The following BCL2L11 variants were observed in gnomAD, a reference collection of about 807,000 sequenced individuals.
BCL2L11 encodes bcl-2-like protein 11.
A neutral mutation model predicts 20.6 loss-of-function variants in BCL2L11; 15 were observed. That is an observed-to-expected ratio of 0.73 (90% CI 0.49 to 1.12). The LOEUF (loss-of-function observed/expected upper bound fraction) is 1.12. BCL2L11 is among the 50% of genes most tolerant of loss of function. The pLI is 0.00. For missense variants in BCL2L11, 292 were observed against 260.9 expected, an observed-to-expected ratio of 1.12 and a Z score of -0.82; for synonymous variants, 108 against 92.8, an observed-to-expected ratio of 1.16 and a Z score of -0.94.
intron 3 of BCL2L11, among the ~76,000 whole-genome samples, chr2:111,157,641 G>A (rs536392295): frequency 6.6e-6 from 1 of 152,312 alleles, no homozygotes; most frequent in Admixed American, 6.5e-5. Context: ...CTACCAAGTG[G>A]AGGGCTGTGC....
intron 2 of BCL2L11, among the ~76,000 whole-genome samples, chr2:111,141,016 G>T (rs1260425930): frequency 1.3e-5 from 2 of 152,194 alleles, no homozygotes; most frequent in African/African-American, 4.8e-5. Context: ...CTAGTGTGAG[G>T]TGTGGAGTAG....
intron 2 of BCL2L11, among the ~76,000 whole-genome samples, chr2:111,138,991 T>G: frequency 6.6e-6 from 1 of 152,148 alleles, no homozygotes; most frequent in East Asian, 1.9e-4. Flanking sequence ...ATGACTGTAA[T>G]GAAGTGCTCT....
At chr2:111,161,260 A>C (rs1263001750) in intron 3 of BCL2L11, among the ~76,000 whole-genome samples, 1 of 152,220 alleles carries the variant, frequency 6.6e-6, no homozygotes, top group African/African-American at 2.4e-5. Context: ...CATAAAGAGG[A>C]AGATACCCAG....
At chr2:111,151,391 A>T (rs561154378) in intron 3 of BCL2L11, among the ~76,000 whole-genome samples, 4 of 152,230 alleles carry the variant, frequency 2.6e-5, no homozygotes, top group African/African-American at 9.6e-5. Flanking sequence ...GAAGACACTA[A>T]TTCTTATTTT....
At chr2:111,134,317 C>T (rs1404432898) in intron 2 of BCL2L11, among the ~76,000 whole-genome samples, 1 of 151,792 alleles carries the variant, frequency 6.6e-6, no homozygotes, top group Non-Finnish European at 1.5e-5. Flanking sequence ...AAATATATTG[C>T]TCTGTATCAT....
At chr2:111,150,751 A>G (rs756189449) in intron 3 of BCL2L11, among the ~76,000 whole-genome samples, 5 of 152,106 alleles carry the variant, frequency 3.3e-5, no homozygotes, top group Non-Finnish European at 7.4e-5. Context: ...ACTTATTTTG[A>G]GCTATGTTCT....
At chr2:111,161,848 G>T (rs1396885443) in intron 3 of BCL2L11, among the ~76,000 whole-genome samples, 1 of 152,180 alleles carries the variant, frequency 6.6e-6, no homozygotes, top group African/African-American at 2.4e-5. Flanking sequence ...CAAAGGCCCT[G>T]GTTTAGGAGC....
chr2:111,146,923 T>C lies in BCL2L11; in HGVS notation c.395-3121T>C, dbSNP rs116013657. ...CTTATTGCAGGATGAGTGTTTGCCA[T>C]TACTTTTAGGTTTATAAATTCAGGA... is the stretch of plus-strand genomic sequence containing the variant. On this transcript the variant is annotated intron_variant, in intron 2 of 3. Coordinates refer to ENST00000393256, the MANE Select transcript of BCL2L11 (RefSeq NM_138621.5). 5.1e-3 allele frequency among the ~76,000 whole-genome samples: 780 copies of C among 152,314 alleles called. 9 individuals carry two copies. The highest frequency in any genetic ancestry group is 0.018 in the African/African-American group (734 of 41,564).
chr2:111,132,677 G>A (rs2074167321), intron 2 of BCL2L11, among the ~76,000 whole-genome samples: 1 of 152,208 alleles, frequency 6.6e-6, no homozygotes, highest in South Asian at 2.1e-4. Flanking sequence ...AGGCTTGAAA[G>A]CCAAGCTGAA....
intron 3 of BCL2L11, chr2:111,161,582 C>G (rs2078553943): frequency 2.0e-6 from 3 of 1,515,804 alleles, no homozygotes; most frequent in Admixed American, 4.0e-5. Context: ...ATGTTAGATG[C>G]GAGGAACCAC....
intron 3 of BCL2L11, chr2:111,153,742 C>G: frequency 6.4e-7 from 1 of 1,552,030 alleles, no homozygotes; most frequent in Non-Finnish European, 8.7e-7. Context: ...TGCCACGAGC[C>G]TTGCAAAGCC....
At chr2:111,151,606 T>A (rs2077266670) in intron 3 of BCL2L11, among the ~76,000 whole-genome samples, 1 of 152,200 alleles carries the variant, frequency 6.6e-6, no homozygotes, top group Admixed American at 6.5e-5. Context: ...ATACAATGTG[T>A]TTTAGGCTTC....
intron 3 of BCL2L11, 142 bp from the exon 4 acceptor site, chr2:111,163,991 G>T (rs2078890023): frequency 1.7e-6 from 1 of 602,994 alleles, no homozygotes; most frequent in South Asian, 2.0e-5. Context: ...GGGAGGCATC[G>T]TGCTTTGTGA....
intron 3 of BCL2L11, among the ~76,000 whole-genome samples, chr2:111,163,690 T>C (rs1194680507): frequency 1.3e-5 from 2 of 152,136 alleles, no homozygotes; most frequent in African/African-American, 4.8e-5. Flanking sequence ...TGCGAGACTT[T>C]ATTTAGCTTC....
chr2:111,134,255 G>T, intron 2 of BCL2L11, among the ~76,000 whole-genome samples: 1 of 150,754 alleles, frequency 6.6e-6, no homozygotes, highest in South Asian at 2.1e-4. Flanking sequence ...CCTTACTGTG[G>T]GTTATACGAA....
rs188395408 is a variant in BCL2L11, at chr2:111,130,314, G to T, written c.394+6175G>T. ...GAGATGGGTTTCACCATGTTGGCCA[G>T]GCTGGTCTCGAACTCCTGACCTCAG... is the stretch of plus-strand genomic sequence containing the variant. On this transcript the variant is annotated intron_variant, in intron 2 of 3. Transcript: ENST00000393256. The T allele has an allele frequency of 5.9e-3, 1,523 of 258,536 alleles. 15 individuals are homozygous for T. The highest frequency in any genetic ancestry group is 0.028 in the Middle Eastern group (20 of 706). 16.0% of individuals were successfully genotyped at this position (258,536 alleles called of 1,614,324 possible).
At chr2:111,134,178 G>A (rs2074446666) in intron 2 of BCL2L11, among the ~76,000 whole-genome samples, 1 of 151,786 alleles carries the variant, frequency 6.6e-6, no homozygotes, top group Non-Finnish European at 1.5e-5. Context: ...ATATATGTAA[G>A]TCTAAATGCC....
chr2:111,163,406 A>G (rs1230572908), intron 3 of BCL2L11: 2 of 152,260 alleles, frequency 1.3e-5, no homozygotes, highest in African/African-American at 4.8e-5. Context: ...CACAAAATGG[A>G]TTAGAACCTG....
intron 3 of BCL2L11, chr2:111,152,001 G>A: frequency 1.1e-6 from 1 of 914,398 alleles, no homozygotes. Context: ...GTTCCTGTGT[G>A]TGACTGGAAG....
Sources: allele counts gnomAD v4.1 joint callset (sites outside exome capture counted in the v4.1 genomes callset), GRCh38; gene constraint gnomAD v4.1.1; transcripts MANE v1.5; gene names NCBI Gene and HGNC (gene_info 2026-07-23, HGNC 2026-07-21).